CC2D2B: variants seen among roughly 807,000 people sequenced by gnomAD.
CC2D2B encodes coiled-coil and C2 domain containing 2B.
A neutral mutation model predicts 161.2 loss-of-function variants in CC2D2B; 128 were observed. That is an observed-to-expected ratio of 0.79 (90% CI 0.69 to 0.92). The LOEUF (loss-of-function observed/expected upper bound fraction) is 0.92, where lower values mean the gene tolerates loss of function less well. CC2D2B is among the 40% of genes least tolerant of loss of function. CC2D2B has a pLI of 0.00. For synonymous variants in CC2D2B, 391 were observed against 449.8 expected (o/e 0.87, Z 1.65); for missense variants, 1,173 against 1,375.1 (o/e 0.85, Z 2.32).
chr10:95,964,692 C>T (rs567602074), intron 12 of CC2D2B, among the ~76,000 whole-genome samples: 3 of 152,226 alleles, frequency 2.0e-5, no homozygotes, highest in African/African-American at 7.2e-5. Flanking sequence ...GCTGGGTTTT[C>T]AGCCCAAGAT....
intron 34 of CC2D2B, among the ~76,000 whole-genome samples, chr10:96,028,254 T>A (rs2079869213): frequency 6.6e-6 from 1 of 152,054 alleles, no homozygotes; most frequent in Non-Finnish European, 1.5e-5. Context: ...CCAGAATATA[T>A]AAGGGGCCCA....
intron 21 of CC2D2B, 97 bp downstream of exon 21, chr10:95,991,558 T>A (rs1206685870): frequency 5.5e-6 from 2 of 362,550 alleles, no homozygotes; most frequent in African/African-American, 4.2e-5. Context: ...TTAAGCCATA[T>A]GTCAAAAGAT....
intron 21 of CC2D2B, 63 bp downstream of exon 21, chr10:95,991,524 C>T (rs2077954988): frequency 4.4e-6 from 2 of 453,370 alleles, no homozygotes; most frequent in East Asian, 3.7e-5. Flanking sequence ...TTAAAATCCT[C>T]TAAGTTCTCT....
At chr10:95,961,521 T>C (rs1205863341) in intron 11 of CC2D2B, 1 of 164,900 alleles carries the variant, frequency 6.1e-6, no homozygotes, top group African/African-American at 2.4e-5. Context: ...AGCGAGACTC[T>C]CTCAAAAAAG....
chr10:95,986,687 C>T (rs1390759773), intron 19 of CC2D2B, among the ~76,000 whole-genome samples: 2 of 152,036 alleles, frequency 1.3e-5, no homozygotes, highest in East Asian at 3.9e-4. Flanking sequence ...ACCTCCACCT[C>T]CTGGGTTCAA....
At chr10:95,929,003 G>GTTT (rs1181669753) in intron 6 of CC2D2B, among the ~76,000 whole-genome samples, 4 of 148,562 alleles carry the variant, frequency 2.7e-5, no homozygotes, top group Non-Finnish European at 4.6e-5. Context: ...AATGGTGGAA[G>GTTT]ACACTCCCAC....
chr10:95,919,776 T>G (rs1044833334), intron 2 of CC2D2B: 2 of 149,992 alleles, frequency 1.3e-5, no homozygotes, highest in African/African-American at 4.9e-5. Context: ...CAGGGTGGGT[T>G]TAGAAATGCC....
At chr10:95,969,117 C>T (rs1272350037) in intron 15 of CC2D2B, among the ~76,000 whole-genome samples, 1 of 147,320 alleles carries the variant, frequency 6.8e-6, no homozygotes, top group Admixed American at 7.0e-5. Context: ...GTTCCAAATA[C>T]TCGTCTCCTG....
In CC2D2B at chr10:95,995,653, C is replaced by T. The variant is rs556019807; in HGVS notation, c.2739+288C>T. On this transcript the variant is annotated intron_variant, in intron 23 of 34. Transcript: ENST00000646931. ...TCTATCCCATAGGCATATCATGCTA[C>T]TCCTTGTTCTATGAGGCCTCTACTA... Among the ~76,000 whole-genome samples the T allele has an allele frequency of 5.1e-4, 78 of 152,344 alleles. 1 individual carries two copies. Among genetic ancestry groups the T allele is most frequent in the African/African-American group, 1.8e-3 (76 of 41,576 alleles).
chr10:95,982,349 A>G (rs980339023), intron 18 of CC2D2B, among the ~76,000 whole-genome samples: 3 of 152,206 alleles, frequency 2.0e-5, no homozygotes, highest in African/African-American at 7.2e-5. Flanking sequence ...CTCTGCCACT[A>G]CTTAGCAGCC....
At chr10:96,000,582 T>G (rs2078444261) in intron 24 of CC2D2B, among the ~76,000 whole-genome samples, 1 of 152,070 alleles carries the variant, frequency 6.6e-6, no homozygotes, top group Non-Finnish European at 1.5e-5. Context: ...GTCAGGATGG[T>G]ATTGATCTCC....
chr10:95,953,829 C>T (rs546945157), intron 10 of CC2D2B, among the ~76,000 whole-genome samples: 21 of 152,254 alleles, frequency 1.4e-4, no homozygotes, highest in African/African-American at 4.3e-4. Context: ...GGAAGCTAAC[C>T]AAGTGGCTGC....
intron 24 of CC2D2B, among the ~76,000 whole-genome samples, chr10:95,997,626 T>C (rs1305377687): frequency 6.6e-6 from 1 of 152,216 alleles, no homozygotes; most frequent in African/African-American, 2.4e-5. Flanking sequence ...TGGGCTCAAA[T>C]GATCCTCCTG....
At chr10:95,941,469 A>T (rs771071072) in intron 9 of CC2D2B, among the ~76,000 whole-genome samples, 20 of 152,176 alleles carry the variant, frequency 1.3e-4, no homozygotes, top group Non-Finnish European at 5.9e-5. Flanking sequence ...AATCCAAAAT[A>T]TATAAAGAAC....
rs930813219 is a variant in CC2D2B at position 95,950,821 on chromosome 10, CT to C, written c.1011+726del. 2.0e-4 allele frequency among the ~76,000 whole-genome samples: 30 copies of C among 149,290 alleles called. 1 individual carries two copies. The highest frequency in any genetic ancestry group is 5.8e-4 in the East Asian group (3 of 5,138). ...TGTTATGAACCTTCATAAATATCTGCTTTTTTTTTTCTTTTTGAGATGGAGT... is the reference window on the plus strand; with the variant it reads ...TGTTATGAACCTTCATAAATATCTGCTTTTTTTTTCTTTTTGAGATGGAGT... On this transcript the variant is annotated intron_variant, in intron 10 of 34. Transcript: ENST00000646931.
intron 24 of CC2D2B, among the ~76,000 whole-genome samples, chr10:96,001,982 TAA>T (rs1193669913): frequency 6.6e-6 from 1 of 152,222 alleles, no homozygotes; most frequent in Non-Finnish European, 1.5e-5. Flanking sequence ...AATTAACATA[TAA>T]AATGTATTTG....
At chr10:95,982,906 G>C (rs2077583856) in intron 18 of CC2D2B, among the ~76,000 whole-genome samples, 1 of 151,938 alleles carries the variant, frequency 6.6e-6, no homozygotes, top group Admixed American at 6.6e-5. Flanking sequence ...CGTGTAGCTG[G>C]GATTACAGCC....
intron 12 of CC2D2B, among the ~76,000 whole-genome samples, chr10:95,962,478 A>C (rs2076794379): frequency 6.6e-6 from 1 of 152,186 alleles, no homozygotes; most frequent in Non-Finnish European, 1.5e-5. Context: ...CCACTTTGGA[A>C]ACAGTTTGGC....
intron 32 of CC2D2B, among the ~76,000 whole-genome samples, chr10:96,022,995 G>C (rs2079537796): frequency 6.6e-6 from 1 of 152,164 alleles, no homozygotes; most frequent in Non-Finnish European, 1.5e-5. Context: ...CAGCGAATGG[G>C]AAGACCTTTA....
Sources: allele counts gnomAD v4.1 joint callset (sites outside exome capture counted in the v4.1 genomes callset), GRCh38; gene constraint gnomAD v4.1.1; transcripts MANE v1.5; gene names NCBI Gene and HGNC (gene_info 2026-07-23, HGNC 2026-07-21).